MRTFB: variants seen among roughly 807,000 people sequenced by gnomAD.
MRTFB encodes myocardin-related transcription factor B.
Under a neutral mutation model 104.2 loss-of-function variants are expected in MRTFB, and 29 were observed. The observed-to-expected ratio is 0.28, with a 90% CI of 0.21 to 0.38. MRTFB has a LOEUF of 0.38. Ranked by LOEUF, MRTFB falls within the 10% of genes least tolerant of loss-of-function variation. The pLI is 1.00. For missense variants in MRTFB, 1,270 were observed against 1,341.6 expected (o/e 0.95, Z 0.83); for synonymous variants, 535 against 519.5 (o/e 1.03, Z -0.41).
the MRTFB span, among the ~76,000 whole-genome samples, chr16:14,061,594 A>C: frequency 7.1e-6 from 1 of 140,960 alleles, no homozygotes; most frequent in East Asian, 2.0e-4. Context: ...TTTTGGTAAC[A>C]AAGCTGGATA....
At position 14,240,234 on chromosome 16, in the gene MRTFB, T is replaced by C. The variant is rs777871726; in HGVS notation, c.832-3T>C. Reference sequence around the variant, plus strand: ...AATGTTATTTTCTTTTTCTCAAAAATAGCAAAGCCATCCCAAGAATCCAAA... The same window carrying C: ...AATGTTATTTTCTTTTTCTCAAAAACAGCAAAGCCATCCCAAGAATCCAAA... On this transcript the variant is annotated splice_polypyrimidine_tract_variant and splice_region_variant and intron_variant, in intron 9 of 16. Transcript: ENST00000571589. 1.3e-6 allele frequency: 2 copies of C among 1,586,940 alleles called. No homozygotes were observed. The highest frequency in any genetic ancestry group is 1.7e-4 in the Middle Eastern group (1 of 5,914).
chr16:14,024,968 A>C, the MRTFB span, among the ~76,000 whole-genome samples: 1 of 152,174 alleles, frequency 6.6e-6, no homozygotes, highest in Non-Finnish European at 1.5e-5. Flanking sequence ...TTTGATTTCC[A>C]AGCAAATGGG....
chr16:14,033,444 G>A, the MRTFB span, among the ~76,000 whole-genome samples: 1 of 152,088 alleles, frequency 6.6e-6, no homozygotes, highest in Non-Finnish European at 1.5e-5. Context: ...CTGCTTGGGA[G>A]GCTGAAGCGG....
chr16:14,200,294 AC>A (rs1271805960), intron 3 of MRTFB: 1 of 1,596,784 alleles, frequency 6.3e-7, no homozygotes, highest in Non-Finnish European at 8.6e-7. Flanking sequence ...CTGAGTTCCG[AC>A]CCGGACCCGT....
intron 8 of MRTFB, among the ~76,000 whole-genome samples, chr16:14,227,233 A>G (rs1195855826): frequency 6.6e-6 from 1 of 151,892 alleles, no homozygotes. Flanking sequence ...TCCCTTAGAG[A>G]TAAGTGAATT....
chr16:14,034,750 T>C, the MRTFB span, among the ~76,000 whole-genome samples: 1 of 152,128 alleles, frequency 6.6e-6, no homozygotes. Flanking sequence ...CTTGACCCTA[T>C]CTTGATTTGA....
At chr16:14,186,406 T>C (rs891497464) in intron 3 of MRTFB, among the ~76,000 whole-genome samples, 1 of 152,236 alleles carries the variant, frequency 6.6e-6, no homozygotes, top group Admixed American at 6.5e-5. Context: ...CTGGTCAATA[T>C]AAAGTATTTC....
At chr16:14,228,835 G>A (rs991925079) in intron 8 of MRTFB, among the ~76,000 whole-genome samples, 3 of 152,146 alleles carry the variant, frequency 2.0e-5, no homozygotes, top group East Asian at 1.9e-4. Flanking sequence ...CAAATACTGT[G>A]TGATTCCACT....
In MRTFB at chr16:14,194,702, C is replaced by CT. The variant is rs5815818; in HGVS notation, c.155-15523dup. Among the ~76,000 whole-genome samples the CT allele has an allele frequency of 5.0e-3, 612 of 123,574 alleles. 2 individuals carry two copies. The highest frequency in any genetic ancestry group is 8.8e-3 in the African/African-American group (310 of 35,322). The allele number at this position is 123,574 out of a possible 152,430, so 81.1% of individuals were successfully genotyped here. A position where few individuals can be genotyped will look rare whatever the true frequency, so the allele number is the denominator to read the frequency against. Reference sequence around the variant, plus strand: ...GAAGTATTTCTTTTTGTATGCTTTTCTTTTTTTTTTTTTTTTTTAATTATC... The same window carrying CT: ...GAAGTATTTCTTTTTGTATGCTTTTCTTTTTTTTTTTTTTTTTTTAATTATC... On this transcript the variant is annotated intron_variant, in intron 3 of 16. Transcript: ENST00000571589.
In MRTFB at chr16:14,240,129, G is replaced by A. The variant is rs547654429; in HGVS notation, c.832-108G>A. 2.2e-5 allele frequency: 28 copies of A among 1,293,306 alleles called. No homozygotes were observed. In the East Asian group the frequency reaches 6.5e-4, roughly 30 times the overall value. 80.1% of individuals were successfully genotyped at this position (1,293,306 alleles called of 1,614,324 possible). ...ATTGCTTTCCAAAGTGGCTGTACCC[G>A]TATCTAAGGTACATTTCTTTTTAAT... On this transcript the variant is annotated intron_variant, in intron 9 of 16. Transcript: ENST00000571589.
chr16:14,087,282 A>G (rs1157075619), intron 2 of MRTFB, among the ~76,000 whole-genome samples: 2 of 152,186 alleles, frequency 1.3e-5, no homozygotes, highest in Middle Eastern at 3.2e-3. Flanking sequence ...GATGAGCTCA[A>G]TAGTCAGTGA....
Position 14,219,728 on chromosome 16 carries a change from T to A in MRTFB, c.693+730T>A, listed in dbSNP as rs146925035. 2.9e-3 allele frequency among the ~76,000 whole-genome samples: 443 copies of A among 152,332 alleles called. 3 individuals carry two copies. Among genetic ancestry groups the A allele is most frequent in the African/African-American group, 9.7e-3 (403 of 41,570 alleles). On this transcript the variant is annotated intron_variant, in intron 8 of 16. Coordinates refer to ENST00000571589, the MANE Select transcript of MRTFB (RefSeq NM_001308142.2). ...ATTGATTTGTTAGGAGCTATGTCTT[T>A]CAGCATTATTTTCTTCATTGCATTT...
the MRTFB span, among the ~76,000 whole-genome samples, chr16:14,019,776 C>T: frequency 0.12 from 18,269 of 152,090 alleles, 1,735 homozygotes; most frequent in African/African-American, 0.26. Flanking sequence ...TAATCGATCC[C>T]GCTGAACCCA....
intron 3 of MRTFB, among the ~76,000 whole-genome samples, chr16:14,161,452 C>G (rs577245033): frequency 6.6e-6 from 1 of 152,202 alleles, no homozygotes; most frequent in Admixed American, 6.5e-5. Context: ...GGATTGAACT[C>G]ATACACAAAA....
the MRTFB span, among the ~76,000 whole-genome samples, chr16:14,023,604 C>CATAT: frequency 1.5e-5 from 2 of 131,732 alleles, no homozygotes; most frequent in Admixed American, 7.9e-5. Context: ...CACACACACA[C>CATAT]ACACACATAC....
chr16:14,219,808 A>C (rs1237667457), intron 8 of MRTFB, among the ~76,000 whole-genome samples: 1 of 152,190 alleles, frequency 6.6e-6, no homozygotes, highest in Admixed American at 6.5e-5. Context: ...CCTGCAGCTA[A>C]AATGTGAGCC....
chr16:14,221,778 C>CTTT (rs34467645), intron 8 of MRTFB, among the ~76,000 whole-genome samples: 3 of 70,814 alleles, frequency 4.2e-5, no homozygotes, highest in East Asian at 3.4e-4. Flanking sequence ...TATTTCTTTC[C>CTTT]TTTTTTTTTT....
At chr16:14,039,268 C>T in the MRTFB span, among the ~76,000 whole-genome samples, 2 of 152,190 alleles carry the variant, frequency 1.3e-5, no homozygotes, top group Non-Finnish European at 2.9e-5. Context: ...TGAGTATCCT[C>T]ACAACATGGC....
At chr16:13,997,549 C>A in the MRTFB span, among the ~76,000 whole-genome samples, 1 of 151,972 alleles carries the variant, frequency 6.6e-6, no homozygotes, top group South Asian at 2.1e-4. Flanking sequence ...AATCTTAACA[C>A]TTTGGGAGGC....
Sources: gnomAD v4.1 joint callset for allele counts (sites outside exome capture counted in the v4.1 genomes callset) on GRCh38, gnomAD v4.1.1 for gene constraint, MANE v1.5 for transcripts, NCBI Gene and HGNC (gene_info 2026-07-23, HGNC 2026-07-21) for gene names.